The following GPC5 variants were observed in gnomAD, a reference collection of about 807,000 sequenced individuals.
GPC5 encodes glypican-5.
In GPC5, 47 loss-of-function variants were observed where a neutral mutation model predicts 53.9. That is an observed-to-expected ratio of 0.87 (90% CI 0.69 to 1.11). The LOEUF is 1.11. GPC5 is among the 50% of genes most tolerant of loss of function. The pLI is 0.00. For missense variants in GPC5, 748 were observed against 713.1 expected, an observed-to-expected ratio of 1.05 and a Z score of -0.56; for synonymous variants, 286 against 263.3, an observed-to-expected ratio of 1.09 and a Z score of -0.84.
At chr13:91,797,672 G>A (rs377284411) in intron 5 of GPC5, among the ~76,000 whole-genome samples, 15 of 152,268 alleles carry the variant, frequency 9.9e-5, no homozygotes, top group Admixed American at 4.6e-4. Flanking sequence ...CAGAGTCAGC[G>A]GTTTGAATGA....
chr13:91,569,718 A>C (rs1225131756), intron 2 of GPC5, among the ~76,000 whole-genome samples: 3 of 152,162 alleles, frequency 2.0e-5, no homozygotes, highest in Admixed American at 2.0e-4. Flanking sequence ...TTAAGTCAAG[A>C]GTACCTCTCC....
intron 2 of GPC5, among the ~76,000 whole-genome samples, chr13:91,674,399 A>G (rs1489120158): frequency 1.4e-5 from 2 of 147,884 alleles, no homozygotes; most frequent in Non-Finnish European, 1.5e-5. Flanking sequence ...ATACACACAC[A>G]CATATATATA....
intron 2 of GPC5, among the ~76,000 whole-genome samples, chr13:91,607,308 G>T (rs190761206): frequency 6.6e-6 from 1 of 152,144 alleles, no homozygotes; most frequent in Non-Finnish European, 1.5e-5. Flanking sequence ...CAGGCATTTC[G>T]TAAGTCTTTA....
intron 5 of GPC5, among the ~76,000 whole-genome samples, chr13:91,799,317 G>T (rs2038097131): frequency 6.6e-6 from 1 of 152,092 alleles, no homozygotes; most frequent in South Asian, 2.1e-4. Flanking sequence ...AACAATAGAT[G>T]CTAGGGACTA....
At position 91,693,718 on chromosome 13, in the gene GPC5, C is replaced by G; in HGVS notation, c.857C>G (p.Ala286Gly). 1 of 1,614,138 alleles carries G rather than the reference C, an allele frequency of 6.2e-7. No homozygotes were observed. Among genetic ancestry groups the G allele is most frequent in the Non-Finnish European group, 8.5e-7 (1 of 1,180,014 alleles). The part of the protein sequence containing the change: ...NVMRGCLAHM[A>G]ELNPHWHAYI... ...ATGCGAGGCTGCCTGGCGCACATGG[C>G]GGAGCTTAATCCACACTGGCATGCA... Residue 286 changes from alanine (A) to glycine (G), a missense_variant, in exon 3 of 8, where the codon GCG becomes GGG. Coordinates refer to ENST00000377067, the MANE Select transcript of GPC5 (RefSeq NM_004466.6).
intron 7 of GPC5, among the ~76,000 whole-genome samples, chr13:92,224,351 T>C (rs1037112301): frequency 2.0e-5 from 3 of 152,214 alleles, no homozygotes; most frequent in African/African-American, 4.8e-5. Context: ...TTCAAAGTTG[T>C]ATCAAAACTA....
intron 6 of GPC5, among the ~76,000 whole-genome samples, chr13:91,923,226 A>C (rs1477592216): frequency 2.0e-5 from 3 of 152,202 alleles, no homozygotes; most frequent in African/African-American, 7.2e-5. Flanking sequence ...CTGCAGGTAC[A>C]TATGAGTCCA....
chr13:91,761,646 C>A (rs1245308327), intron 5 of GPC5, among the ~76,000 whole-genome samples: 1 of 152,164 alleles, frequency 6.6e-6, no homozygotes, highest in East Asian at 1.9e-4. Flanking sequence ...AAGGATATTA[C>A]AAAGGCTACA....
intron 7 of GPC5, among the ~76,000 whole-genome samples, chr13:92,383,969 A>G (rs1000212094): frequency 5.3e-5 from 8 of 152,320 alleles, no homozygotes; most frequent in African/African-American, 1.9e-4. Flanking sequence ...CAGCTCCACT[A>G]CAGTGCAATT....
At chr13:92,524,139 T>G (rs1182591527) in intron 7 of GPC5, among the ~76,000 whole-genome samples, 1 of 152,124 alleles carries the variant, frequency 6.6e-6, no homozygotes, top group Non-Finnish European at 1.5e-5. Context: ...AAGATTTCTC[T>G]GTAGCATGCG....
At chr13:92,518,802 C>T (rs915890651) in intron 7 of GPC5, among the ~76,000 whole-genome samples, 2 of 152,132 alleles carry the variant, frequency 1.3e-5, no homozygotes, top group African/African-American at 4.8e-5. Flanking sequence ...TGTAAATGGG[C>T]TAAATTCTCC....
intron 7 of GPC5, among the ~76,000 whole-genome samples, chr13:92,766,631 C>A (rs189787737): frequency 2.0e-5 from 3 of 152,122 alleles, no homozygotes; most frequent in Non-Finnish European, 2.9e-5. Context: ...TTATCAGATT[C>A]GGTATAAGAC....
chr13:91,746,404 A>G (rs1479417758), intron 4 of GPC5, among the ~76,000 whole-genome samples: 2 of 152,202 alleles, frequency 1.3e-5, no homozygotes, highest in Non-Finnish European at 2.9e-5. Flanking sequence ...CAGAAAGAAA[A>G]TCTCCATTTG....
chr13:91,507,840 T>C (rs1460145985), intron 2 of GPC5, among the ~76,000 whole-genome samples: 1 of 152,252 alleles, frequency 6.6e-6, no homozygotes, highest in East Asian at 1.9e-4. Flanking sequence ...ATATCATATA[T>C]ACTTTTTTGA....
chr13:91,733,669 CAAT>C (rs959548923), intron 4 of GPC5, among the ~76,000 whole-genome samples: 2 of 152,102 alleles, frequency 1.3e-5, no homozygotes, highest in African/African-American at 4.8e-5. Flanking sequence ...GATTTTTGCA[CAAT>C]GATTTTTTTA....
At chr13:92,190,345 G>A (rs999941163) in intron 7 of GPC5, among the ~76,000 whole-genome samples, 8 of 151,986 alleles carry the variant, frequency 5.3e-5, no homozygotes, top group Admixed American at 1.3e-4. Context: ...TCAGAGAGAA[G>A]AAAAAATTAT....
At chr13:92,351,645 A>T (rs1415831927) in intron 7 of GPC5, among the ~76,000 whole-genome samples, 1 of 152,158 alleles carries the variant, frequency 6.6e-6, no homozygotes, top group Non-Finnish European at 1.5e-5. Flanking sequence ...GTGTTTAACA[A>T]GGTTGTAGAT....
chr13:91,434,588 T>A (rs1048815318), intron 1 of GPC5, among the ~76,000 whole-genome samples: 55 of 152,218 alleles, frequency 3.6e-4, no homozygotes, highest in African/African-American at 1.3e-3. Context: ...AGTACCATGC[T>A]GTTTTGGTTA....
At chr13:92,693,125 G>T (rs1179844371) in intron 7 of GPC5, among the ~76,000 whole-genome samples, 1 of 152,042 alleles carries the variant, frequency 6.6e-6, no homozygotes, top group Non-Finnish European at 1.5e-5. Flanking sequence ...TAAGTTTCCT[G>T]AGGCCTTCCC....
Sources: allele counts gnomAD v4.1 joint callset (sites outside exome capture counted in the v4.1 genomes callset), GRCh38; gene constraint gnomAD v4.1.1; transcripts MANE v1.5; gene names NCBI Gene and HGNC (gene_info 2026-07-23, HGNC 2026-07-21).